Variants in UBE2D2 observed in about 807,000 individuals in gnomAD.
UBE2D2 encodes ubiquitin-conjugating enzyme E2 D2.
Under a neutral mutation model 24.2 loss-of-function variants are expected in UBE2D2, and 2 were observed. The observed-to-expected ratio is 0.08, with a 90% CI of 0.03 to 0.26. UBE2D2 has a LOEUF of 0.26. Ranked by LOEUF, UBE2D2 falls within the 10% of genes least tolerant of loss-of-function variation. The probability of loss-of-function intolerance (pLI) is 1.00; values close to 1 mark genes in which losing one functional copy is unlikely to be tolerated. For missense variants in UBE2D2, 44 were observed against 177.6 expected, an observed-to-expected ratio of 0.25 and a Z score of 4.28; for synonymous variants, 58 against 56.5, an observed-to-expected ratio of 1.03 and a Z score of -0.12.
chr5:139,572,918 G>A (rs1246955199), intron 1 of UBE2D2, among the ~76,000 whole-genome samples: 2 of 151,992 alleles, frequency 1.3e-5, no homozygotes, highest in Admixed American at 1.3e-4. Context: ...TGCTGGGATT[G>A]CAGGTGTGAG....
At chr5:139,613,607 T>C (rs1167213085) in intron 2 of UBE2D2, among the ~76,000 whole-genome samples, 2 of 152,198 alleles carry the variant, frequency 1.3e-5, no homozygotes, top group Non-Finnish European at 2.9e-5. Context: ...CTTTTTTCTC[T>C]TTTTTCCTCT....
In UBE2D2 at chr5:139,601,686, G is replaced by A. The variant is rs1467465772; in HGVS notation, c.88+1251G>A. ...AGCACTTTGAAAGGCCGAGGCGGGC[G>A]GATCACGAGGTCAGAGTTTGAGACC... On this transcript the variant is annotated intron_variant, in intron 2 of 6. Transcript: ENST00000398733. Among the ~76,000 whole-genome samples the A allele has an allele frequency of 2.6e-5, 4 of 151,926 alleles. No individual in the cohort carries two copies. In the East Asian group the frequency reaches 5.8e-4, roughly 22 times the overall value.
intron 1 of UBE2D2, among the ~76,000 whole-genome samples, chr5:139,599,186 C>T (rs534773418): frequency 2.0e-5 from 3 of 151,684 alleles, no homozygotes; most frequent in Admixed American, 6.6e-5. Flanking sequence ...CCTCCCACCT[C>T]GGCCCCACAA....
intron 5 of UBE2D2, among the ~76,000 whole-genome samples, chr5:139,622,627 C>T (rs940572746): frequency 2.6e-5 from 4 of 151,370 alleles, no homozygotes; most frequent in Admixed American, 6.6e-5. Flanking sequence ...CAGTGGCTCA[C>T]GCCTGTAATC....
intron 1 of UBE2D2, among the ~76,000 whole-genome samples, chr5:139,577,723 C>A (rs1753510511): frequency 6.6e-6 from 1 of 152,108 alleles, no homozygotes; most frequent in East Asian, 1.9e-4. Flanking sequence ...CCTGGCCAGC[C>A]AGTTGGCATC....
chr5:139,617,771 G>GT (rs2126704957), intron 5 of UBE2D2, among the ~76,000 whole-genome samples: 1 of 152,004 alleles, frequency 6.6e-6, no homozygotes, highest in South Asian at 2.1e-4. Context: ...GTATTCCTCA[G>GT]TTTTTTCATC....
intron 5 of UBE2D2, among the ~76,000 whole-genome samples, chr5:139,615,553 A>G (rs568272276): frequency 6.6e-6 from 1 of 152,180 alleles, no homozygotes; most frequent in Non-Finnish European, 1.5e-5. Context: ...CACAATTAAC[A>G]TCTCTTCCAA....
At chr5:139,574,735 C>CAA (rs75539434) in intron 1 of UBE2D2, among the ~76,000 whole-genome samples, 16 of 70,738 alleles carry the variant, frequency 2.3e-4, no homozygotes, top group East Asian at 3.7e-4. Context: ...GGTGGGGTGG[C>CAA]AAAAAAAAAA....
chr5:139,569,606 A>G (rs1753308963), intron 1 of UBE2D2, among the ~76,000 whole-genome samples: 2 of 152,204 alleles, frequency 1.3e-5, no homozygotes, highest in South Asian at 2.1e-4. Flanking sequence ...ATGTTAAACT[A>G]TAATATAGGG....
At chr5:139,582,666 A>AT (rs1195507116) in intron 1 of UBE2D2, among the ~76,000 whole-genome samples, 7,507 of 112,332 alleles carry the variant, frequency 0.067, 395 homozygotes, top group South Asian at 0.11. Context: ...TTAGATTCGA[A>AT]TTTTTTTTTT....
At chr5:139,535,635 A>T (rs990448185) in intron 1 of UBE2D2, among the ~76,000 whole-genome samples, 1 of 152,140 alleles carries the variant, frequency 6.6e-6, no homozygotes, top group African/African-American at 2.4e-5. Flanking sequence ...TCAAAAAAAA[A>T]TTCAAAAGTT....
intron 1 of UBE2D2, among the ~76,000 whole-genome samples, chr5:139,548,178 AAAAAAT>A (rs1752860423): frequency 3.3e-4 from 13 of 39,790 alleles, no homozygotes; most frequent in East Asian, 1.1e-3. Flanking sequence ...AAAAAAAAAA[AAAAAAT>A]AAAAAAAAAA....
intron 1 of UBE2D2, among the ~76,000 whole-genome samples, chr5:139,575,197 A>C (rs753041259): frequency 1.3e-5 from 2 of 152,014 alleles, no homozygotes; most frequent in Non-Finnish European, 2.9e-5. Context: ...GAAGAGCTGG[A>C]CTCTTTCACC....
chr5:139,559,854 T>C (rs1286227763), upstream of UBE2D2, among the ~76,000 whole-genome samples: 2 of 152,182 alleles, frequency 1.3e-5, no homozygotes, highest in African/African-American at 4.8e-5. Flanking sequence ...ACTATTCTCC[T>C]GTGTAAGGCC....
intron 1 of UBE2D2, among the ~76,000 whole-genome samples, chr5:139,589,777 T>C (rs1012104670): frequency 3.9e-5 from 6 of 151,974 alleles, no homozygotes; most frequent in Non-Finnish European, 8.8e-5. Flanking sequence ...TAATTTAAAG[T>C]GGGGGTTGGT....
chr5:139,583,000 C>T (rs531872304), intron 1 of UBE2D2, among the ~76,000 whole-genome samples: 50 of 138,718 alleles, frequency 3.6e-4, no homozygotes, highest in Admixed American at 2.2e-3. Context: ...TTGAAGACGG[C>T]GTCTCGCTTT....
intron 2 of UBE2D2, among the ~76,000 whole-genome samples, chr5:139,603,408 A>C (rs1275174116): frequency 6.6e-6 from 1 of 152,090 alleles, no homozygotes; most frequent in Non-Finnish European, 1.5e-5. Flanking sequence ...GCACTTTGGG[A>C]GGCCAGGAGT....
intron 1 of UBE2D2, among the ~76,000 whole-genome samples, chr5:139,540,862 C>G (rs1322052771): frequency 6.6e-6 from 1 of 151,498 alleles, no homozygotes; most frequent in African/African-American, 2.4e-5. Context: ...GGCATGGTGG[C>G]AGGCACCTGT....
intron 1 of UBE2D2, among the ~76,000 whole-genome samples, chr5:139,534,060 C>T (rs1291199988): frequency 6.6e-6 from 1 of 151,596 alleles, no homozygotes; most frequent in Non-Finnish European, 1.5e-5. Flanking sequence ...GGATTACAGG[C>T]GTGAGCCACC....
Sources: gnomAD v4.1 joint callset for allele counts (sites outside exome capture counted in the v4.1 genomes callset) on GRCh38, gnomAD v4.1.1 for gene constraint, MANE v1.5 for transcripts, NCBI Gene and HGNC (gene_info 2026-07-23, HGNC 2026-07-21) for gene names.